The following RPL7L1 variants were observed in gnomAD, a reference collection of about 807,000 sequenced individuals.
The protein encoded by RPL7L1 is ribosomal protein uL30-like.
Under a neutral mutation model 30.3 loss-of-function variants are expected in RPL7L1, and 20 were observed. The ratio of observed to expected loss-of-function variants is 0.66; its 90% CI spans 0.46 to 0.96. The LOEUF (loss-of-function observed/expected upper bound fraction) is 0.96. Among genes scored for constraint, RPL7L1 ranks in the 40% least tolerant of loss-of-function variants. The probability of loss-of-function intolerance (pLI) is 0.00; values close to 1 mark genes in which losing one functional copy is unlikely to be tolerated. For missense variants in RPL7L1, 271 were observed against 314.9 expected (o/e 0.86, Z 1.05); for synonymous variants, 107 against 110.1 (o/e 0.97, Z 0.18).
chr6:42,883,681 T>C, intron 3 of RPL7L1, 67 bp downstream of exon 3: 1 of 1,355,242 alleles, frequency 7.4e-7, no homozygotes, highest in Non-Finnish European at 1.0e-6. Context: ...TTTAGACCCC[T>C]TTCTAGGGAG....
In RPL7L1 at chr6:42,886,253, T is replaced by C. The variant is rs1323448953; in HGVS notation, c.560-3T>C. On this transcript the variant is annotated splice_polypyrimidine_tract_variant and splice_region_variant and intron_variant, in intron 5 of 5. Transcript: ENST00000493763. ...AAGGAATCTGTGCTTTTGTGTTTCT[T>C]AGGGAAGTTTGGCGTCATTTGCTTG... The C allele has an allele frequency of 4.3e-6, 7 of 1,609,516 alleles. No individual in the cohort carries two copies. Among genetic ancestry groups the C allele is most frequent in the Non-Finnish European group, 5.9e-6 (7 of 1,177,600 alleles).
rs1010659170 is a variant in RPL7L1, at chr6:42,889,742, TAAACA to T, written c.*3285_*3289del. ...TGCCTGACATGATGGTTAAAGGGAT[TAAACA>T]AAACAATAGTTTGTAATTTATTCTG... On this transcript the variant is annotated 3_prime_UTR_variant, in exon 6 of 6. Transcript: ENST00000493763. The T allele has an allele frequency of 6.6e-6, 1 of 152,206 alleles. No homozygotes were observed. The highest frequency in any genetic ancestry group is 2.4e-5 in the African/African-American group (1 of 41,452). 9.4% of individuals were successfully genotyped at this position (152,206 alleles called of 1,614,324 possible). A position where few individuals can be genotyped will look rare whatever the true frequency, so the allele number is the denominator to read the frequency against.
At chr6:42,885,672 G>C (rs1766241515) in intron 4 of RPL7L1, 1 of 286,888 alleles carries the variant, frequency 3.5e-6, no homozygotes, top group Non-Finnish European at 6.8e-6. Flanking sequence ...GGTCACCTAA[G>C]GCCAGAGTCG....
intron 5 of RPL7L1, 21 bp downstream of exon 5, chr6:42,886,104 A>G (rs2179719): frequency 1 from 1,435,006 of 1,440,680 alleles, 714,690 homozygotes; most frequent in East Asian, 1. Context: ...CAGCTTAGGG[A>G]TCAGCTGGGG....
intron 1 of RPL7L1, 56 bp from the exon 2 acceptor site, chr6:42,880,805 G>A: frequency 9.9e-7 from 1 of 1,014,630 alleles, no homozygotes; most frequent in South Asian, 1.3e-5. Flanking sequence ...GAGCCACCGA[G>A]CCCGGCCAAG....
chr6:42,881,027 A>G, intron 2 of RPL7L1, 61 bp downstream of exon 2: 2 of 902,984 alleles, frequency 2.2e-6, no homozygotes, highest in Admixed American at 1.9e-5. Context: ...TTTATCCCGC[A>G]TGTGTTGGAC....
At chr6:42,881,237 G>A (rs1223841685) in intron 2 of RPL7L1, 6 of 207,224 alleles carry the variant, frequency 2.9e-5, no homozygotes, top group Non-Finnish European at 5.9e-5. Flanking sequence ...AGGCCGAGGC[G>A]GGCGTATCAC....
At position 42,884,737 on chromosome 6, in the gene RPL7L1, T is replaced by C; in HGVS notation, c.436T>C (p.Tyr146His). ...AAAAATGCTGCGTATAGTGGAACCT[T>C]ATGTGACCTGGGGGTAAGTAAGGTT... Reference protein sequence around the residue: ...NLKMLRIVEPYVTWGFPNLKS... With the variant: ...NLKMLRIVEPHVTWGFPNLKS... Residue 146 changes from tyrosine (Y) to histidine (H), a missense_variant, in exon 4 of 6, where the codon TAT (tyrosine) becomes CAT (histidine). Physicochemically the swap from Tyr to His is moderately conservative, Grantham distance 83 (BLOSUM62 2). Coordinates refer to ENST00000493763, the MANE Select transcript of RPL7L1 (RefSeq NM_001366481.3). The C allele has an allele frequency of 1.2e-6, 2 of 1,613,454 alleles. No homozygotes were observed. The highest frequency in any genetic ancestry group is 1.7e-6 in the Non-Finnish European group (2 of 1,179,618).
In RPL7L1 at chr6:42,880,934, C is replaced by G; in HGVS notation, c.115C>G (p.Gln39Glu). Residue 39 changes from glutamine to glutamate, a missense_variant, in exon 2 of 6, where the codon CAG becomes GAG. Transcript: ENST00000493763. Reference sequence around the variant, plus strand: ...GGCTTATCAAGCCCTCAAAGCCACCCAGGCAAAGCAGGCACTTTTGGCAAA... The same window carrying G: ...GGCTTATCAAGCCCTCAAAGCCACCGAGGCAAAGCAGGCACTTTTGGCAAA... ...RKAYQALKATQAKQALLAKKE... is the reference protein window; with the variant it reads ...RKAYQALKATEAKQALLAKKE... 6.3e-7 allele frequency: 1 copy of G among 1,593,364 alleles called. No homozygotes were observed. The highest frequency in any genetic ancestry group is 2.2e-5 in the East Asian group (1 of 44,796).
chr6:42,888,212 T>G lies in RPL7L1; in HGVS notation c.*1748T>G, dbSNP rs1348273091. On this transcript the variant is annotated 3_prime_UTR_variant, in exon 6 of 6. Transcript: ENST00000493763. ...CCCTGTTGCCCAGGCTGGAGCGCAG[T>G]GGCATGATCTCAGCTCATTGCAGCC... 1 of 152,316 alleles carries G rather than the reference T, an allele frequency of 6.6e-6. No homozygotes were observed. The highest frequency in any genetic ancestry group is 1.5e-5 in the Non-Finnish European group (1 of 68,120). The allele number at this position is 152,316 out of a possible 1,614,324, so 9.4% of individuals were successfully genotyped here.
intron 5 of RPL7L1, 73 bp from the exon 6 acceptor site, chr6:42,886,183 C>G: frequency 1.4e-6 from 2 of 1,456,012 alleles, no homozygotes; most frequent in Non-Finnish European, 1.9e-6. Flanking sequence ...CCCCAAGAGT[C>G]TGCCAGAGTG....
chr6:42,884,574 G>A, intron 3 of RPL7L1, 39 bp from the exon 4 acceptor site: 1 of 1,600,356 alleles, frequency 6.2e-7, no homozygotes, highest in Non-Finnish European at 8.5e-7. Flanking sequence ...GACATAAACT[G>A]GAGGGAGTCT....
At position 42,889,012 on chromosome 6, in the gene RPL7L1, G is replaced by A. The variant is rs1337553076; in HGVS notation, c.*2548G>A. 2.6e-5 allele frequency: 4 copies of A among 152,144 alleles called. No homozygotes were observed. The highest frequency in any genetic ancestry group is 5.9e-5 in the Non-Finnish European group (4 of 68,032). 9.4% of individuals were successfully genotyped at this position (152,144 alleles called of 1,614,324 possible). On this transcript the variant is annotated 3_prime_UTR_variant, in exon 6 of 6. Transcript: ENST00000493763. ...CTGAGCAATTGGCAAGGATGTGCCAGGCCTAGGTTAAACTTGGAAACATGC... is the reference window on the plus strand; with the variant it reads ...CTGAGCAATTGGCAAGGATGTGCCAAGCCTAGGTTAAACTTGGAAACATGC...
At chr6:42,880,303 G>C (rs1360004566) in intron 1 of RPL7L1, among the ~76,000 whole-genome samples, 1 of 152,140 alleles carries the variant, frequency 6.6e-6, no homozygotes, top group South Asian at 2.1e-4. Flanking sequence ...TGAAAACCCT[G>C]TTAACTTATA....
Position 42,884,723 on chromosome 6 carries a change from G to T in RPL7L1, c.422G>T (p.Arg141Leu), listed in dbSNP as rs377107940. 2 of 1,614,030 alleles carry T rather than the reference G, an allele frequency of 1.2e-6. No homozygotes were observed. Among genetic ancestry groups the T allele is most frequent in the Admixed American group, 1.7e-5 (1 of 59,994 alleles). ...KVTPQNLKML[R>L]IVEPYVTWGF... ...ACCCCCCAGAATCTAAAAATGCTGC[G>T]TATAGTGGAACCTTATGTGACCTGG... Residue 141 changes from arginine (R) to leucine (L), a missense_variant, in exon 4 of 6, where the codon CGT becomes CTT. Coordinates refer to ENST00000493763, the MANE Select transcript of RPL7L1 (RefSeq NM_001366481.3).
intron 3 of RPL7L1, 98 bp downstream of exon 3, chr6:42,883,712 C>T (rs75937754): frequency 0.037 from 36,462 of 981,874 alleles, 777 homozygotes; most frequent in Non-Finnish European, 0.042. Flanking sequence ...CCAAGCCACT[C>T]AGGCAAATTG....
In RPL7L1 at chr6:42,888,913, G is replaced by A. The variant is rs1766377070; in HGVS notation, c.*2449G>A. ...GAAAACAGTGAGTCTGATACTGCTTGTGTTTTTCATCAGTGTCCACCCCAA... is the reference window on the plus strand; with the variant it reads ...GAAAACAGTGAGTCTGATACTGCTTATGTTTTTCATCAGTGTCCACCCCAA... On this transcript the variant is annotated 3_prime_UTR_variant, in exon 6 of 6. Coordinates refer to ENST00000493763, the MANE Select transcript of RPL7L1 (RefSeq NM_001366481.3). The A allele has an allele frequency of 6.6e-6, 1 of 152,174 alleles. No individual in the cohort carries two copies. Among genetic ancestry groups the A allele is most frequent in the South Asian group, 2.1e-4 (1 of 4,830 alleles). The allele number at this position is 152,174 out of a possible 1,614,324, so 9.4% of individuals were successfully genotyped here. A position where few individuals can be genotyped will look rare whatever the true frequency, so the allele number is the denominator to read the frequency against.
At chr6:42,884,832 T>C (rs1454916085) in intron 4 of RPL7L1, 82 bp downstream of exon 4, 1 of 1,379,704 alleles carries the variant, frequency 7.2e-7, no homozygotes, top group South Asian at 1.3e-5. Flanking sequence ...TTTCCAGGGC[T>C]CATGTTGCTG....
At chr6:42,881,029 G>A (rs553766250) in intron 2 of RPL7L1, 63 bp downstream of exon 2, 333 of 875,886 alleles carry the variant, frequency 3.8e-4, no homozygotes, top group Non-Finnish European at 4.8e-4. Context: ...TATCCCGCAT[G>A]TGTTGGACTA....
Sources: allele counts gnomAD v4.1 joint callset (sites outside exome capture counted in the v4.1 genomes callset), GRCh38; gene constraint gnomAD v4.1.1; transcripts MANE v1.5; gene names NCBI Gene and HGNC (gene_info 2026-07-23, HGNC 2026-07-21).